The following DIPK1A variants were observed in gnomAD, a reference collection of about 807,000 sequenced individuals.
DIPK1A encodes the protein family with sequence similarity 69 member A.
DIPK1A carries 27 observed loss-of-function variants against 40.8 expected under a neutral mutation model. That is an observed-to-expected ratio of 0.66 (90% CI 0.49 to 0.91). The LOEUF (loss-of-function observed/expected upper bound fraction) is 0.91. DIPK1A is among the 40% of genes least tolerant of loss of function. The pLI, the probability that DIPK1A is intolerant of heterozygous loss-of-function variation, is 0.00. For synonymous variants in DIPK1A, 166 were observed against 171.3 expected, an observed-to-expected ratio of 0.97 and a Z score of 0.24; for missense variants, 412 against 505.7, an observed-to-expected ratio of 0.81 and a Z score of 1.78.
intron 4 of DIPK1A, chr1:92,845,554 A>C (rs1040566007): frequency 2.7e-6 from 1 of 376,138 alleles, no homozygotes; most frequent in Non-Finnish European, 5.2e-6. Context: ...AAAAAAAAAA[A>C]AATGCTGGAT....
At chr1:92,858,323 T>C (rs1263439701) in intron 2 of DIPK1A, among the ~76,000 whole-genome samples, 1 of 152,194 alleles carries the variant, frequency 6.6e-6, no homozygotes, top group African/African-American at 2.4e-5. Flanking sequence ...ATTTTCTTCC[T>C]CCCTTCTTTC....
intron 1 of DIPK1A, among the ~76,000 whole-genome samples, chr1:92,960,714 T>C (rs1454298970): frequency 6.6e-6 from 1 of 152,214 alleles, no homozygotes; most frequent in Non-Finnish European, 1.5e-5. Flanking sequence ...CACTAGCCCC[T>C]TTCCTTTAAA....
chr1:92,861,556 G>A (rs893722170), intron 2 of DIPK1A, among the ~76,000 whole-genome samples: 1 of 151,766 alleles, frequency 6.6e-6, no homozygotes, highest in East Asian at 1.9e-4. Flanking sequence ...CTAACTCTTG[G>A]CCTCAAGTGA....
chr1:92,945,355 C>CTTGTATGT (rs1651320192), intron 1 of DIPK1A, among the ~76,000 whole-genome samples: 1 of 152,068 alleles, frequency 6.6e-6, no homozygotes, highest in Admixed American at 6.5e-5. Flanking sequence ...AGGAAACAAG[C>CTTGTATGT]TTGTATGTAC....
chr1:92,955,294 T>C (rs1284774371), intron 1 of DIPK1A, among the ~76,000 whole-genome samples: 1 of 152,242 alleles, frequency 6.6e-6, no homozygotes, highest in East Asian at 1.9e-4. Flanking sequence ...ACACACTGAA[T>C]GTACAACACA....
intron 2 of DIPK1A, among the ~76,000 whole-genome samples, chr1:92,870,093 C>A (rs923050085): frequency 2.0e-5 from 3 of 151,970 alleles, no homozygotes; most frequent in African/African-American, 7.3e-5. Flanking sequence ...CACACACACA[C>A]ACACACACAC....
intron 4 of DIPK1A, among the ~76,000 whole-genome samples, chr1:92,845,807 C>G (rs1687582054): frequency 1.3e-5 from 2 of 150,520 alleles, no homozygotes; most frequent in Admixed American, 6.7e-5. Flanking sequence ...TGCACTCCAG[C>G]CTGGGCAACA....
At chr1:92,876,245 T>C (rs2100775821) in intron 2 of DIPK1A, 51 bp downstream of exon 2, 1 of 1,176,248 alleles carries the variant, frequency 8.5e-7, no homozygotes, top group African/African-American at 1.6e-5. Context: ...AAGCAGTAAA[T>C]ATAGTGTTAT....
At chr1:92,851,654 G>A (rs1256711795) in intron 2 of DIPK1A, among the ~76,000 whole-genome samples, 1 of 149,896 alleles carries the variant, frequency 6.7e-6, no homozygotes, top group Non-Finnish European at 1.5e-5. Flanking sequence ...AAACAAGAAA[G>A]GGAAAAAAAC....
At chr1:92,952,961 T>A (rs528851178) in intron 1 of DIPK1A, among the ~76,000 whole-genome samples, 16 of 152,340 alleles carry the variant, frequency 1.1e-4, no homozygotes, top group Non-Finnish European at 2.4e-4. Flanking sequence ...ATGGATGTAC[T>A]AATTCAGAAG....
chr1:92,949,272 T>C (rs1295434475), intron 1 of DIPK1A, among the ~76,000 whole-genome samples: 2 of 151,930 alleles, frequency 1.3e-5, no homozygotes, highest in African/African-American at 4.8e-5. Context: ...AAATAAAATT[T>C]CAAATAATTC....
rs140963428 is a variant in DIPK1A, at chr1:92,910,824, T to C, written c.55-34394A>G. 2.9e-3 allele frequency among the ~76,000 whole-genome samples: 448 copies of C among 152,246 alleles called. 4 individuals are homozygous for C. The highest frequency in any genetic ancestry group is 0.01 in the African/African-American group (434 of 41,544). On this transcript the variant is annotated intron_variant, in intron 1 of 4. Transcript: ENST00000370310. Reference sequence around the variant, plus strand: ...AGACTTCCTGTTTTACTTGTACTCTTGTCAGGGGGGTGTAGGGGATGTATT... The same window carrying C: ...AGACTTCCTGTTTTACTTGTACTCTCGTCAGGGGGGTGTAGGGGATGTATT...
intron 1 of DIPK1A, among the ~76,000 whole-genome samples, chr1:92,926,880 T>A (rs1045766796): frequency 6.6e-6 from 1 of 152,236 alleles, no homozygotes; most frequent in Non-Finnish European, 1.5e-5. Flanking sequence ...AAGCTTTGTA[T>A]CTTTTGTTAA....
chr1:92,932,824 A>T (rs1650806324), intron 1 of DIPK1A: 1 of 152,242 alleles, frequency 6.6e-6, no homozygotes, highest in African/African-American at 2.4e-5. Flanking sequence ...TTTTTAGGGC[A>T]GTGAAACTAC....
intron 1 of DIPK1A, among the ~76,000 whole-genome samples, chr1:92,937,923 T>C (rs1241410484): frequency 6.6e-6 from 1 of 152,192 alleles, no homozygotes; most frequent in Non-Finnish European, 1.5e-5. Flanking sequence ...GAAACTGGTT[T>C]TAAGCTAACT....
chr1:92,945,822 A>C (rs1466695964), intron 1 of DIPK1A, among the ~76,000 whole-genome samples: 3 of 152,192 alleles, frequency 2.0e-5, no homozygotes, highest in Non-Finnish European at 4.4e-5. Flanking sequence ...TTCTGCAGCT[A>C]AGTGTAACCA....
At chr1:92,870,999 C>T (rs1344223492) in intron 2 of DIPK1A, among the ~76,000 whole-genome samples, 2 of 152,148 alleles carry the variant, frequency 1.3e-5, no homozygotes, top group African/African-American at 4.8e-5. Context: ...TCCCAAGAGC[C>T]GAATTTAATC....
chr1:92,865,926 CTGTT>C (rs1647514496), intron 2 of DIPK1A, among the ~76,000 whole-genome samples: 1 of 152,080 alleles, frequency 6.6e-6, no homozygotes, highest in Admixed American at 6.5e-5. Context: ...GTTCAACATT[CTGTT>C]TGTTTTTAGA....
At chr1:92,908,682 T>G (rs529997138) in intron 1 of DIPK1A, among the ~76,000 whole-genome samples, 2 of 152,282 alleles carry the variant, frequency 1.3e-5, no homozygotes, top group African/African-American at 4.8e-5. Flanking sequence ...CAGAGGTTTT[T>G]TAAAGCCAAG....
Sources: gnomAD v4.1 joint callset for allele counts (sites outside exome capture counted in the v4.1 genomes callset) on GRCh38, gnomAD v4.1.1 for gene constraint, MANE v1.5 for transcripts, NCBI Gene and HGNC (gene_info 2026-07-23, HGNC 2026-07-21) for gene names.